Variants in GRM7 observed in about 807,000 individuals in gnomAD.
The protein encoded by GRM7 is glutamate metabotropic receptor 7, also known as metabotropic glutamate receptor 7.
Under a neutral mutation model 84.5 loss-of-function variants are expected in GRM7, and 35 were observed. The observed-to-expected ratio is 0.41, with a 90% CI of 0.32 to 0.55. The LOEUF is 0.55. Among genes scored for constraint, GRM7 ranks in the 20% least tolerant of loss-of-function variants. The probability of loss-of-function intolerance (pLI) is 0.19; values close to 1 mark genes in which losing one functional copy is unlikely to be tolerated. For synonymous variants in GRM7, 487 were observed against 455.1 expected, an observed-to-expected ratio of 1.07 and a Z score of -0.89; for missense variants, 1,003 against 1,194.6, an observed-to-expected ratio of 0.84 and a Z score of 2.36.
At chr3:7,549,846 T>A (rs561300215) in intron 7 of GRM7, among the ~76,000 whole-genome samples, 2 of 152,346 alleles carry the variant, frequency 1.3e-5, no homozygotes, top group East Asian at 3.9e-4. Context: ...AATGCTTGTG[T>A]TTTATGAATT....
chr3:7,274,251 C>T (rs545084012), intron 2 of GRM7, among the ~76,000 whole-genome samples: 1 of 152,020 alleles, frequency 6.6e-6, no homozygotes, highest in Admixed American at 6.5e-5. Context: ...CATTTGAATA[C>T]ATTGTTGCTA....
intron 8 of GRM7, among the ~76,000 whole-genome samples, chr3:7,613,502 C>T (rs944777197): frequency 1.3e-5 from 2 of 152,102 alleles, no homozygotes; most frequent in South Asian, 2.1e-4. Context: ...CATAAGGTAC[C>T]ACTTCTCCCA....
At chr3:6,948,049 A>G (rs944850392) in intron 1 of GRM7, among the ~76,000 whole-genome samples, 14 of 151,872 alleles carry the variant, frequency 9.2e-5, no homozygotes, top group African/African-American at 3.4e-4. Flanking sequence ...TTGTGTCTCT[A>G]TTTCCTTCAG....
intron 6 of GRM7, among the ~76,000 whole-genome samples, chr3:7,454,090 A>ACACACT (rs1365192243): frequency 1.5e-4 from 21 of 140,212 alleles, no homozygotes; most frequent in East Asian, 4.7e-4. Context: ...CTACACACAC[A>ACACACT]CTCTCTCTCT....
rs147107871 is a variant in GRM7, at chr3:7,620,997, C to G, written c.2451+41640C>G. Among the ~76,000 whole-genome samples, 1,004 of 152,162 alleles carry G rather than the reference C, an allele frequency of 6.6e-3. 11 individuals are homozygous for G. The highest frequency in any genetic ancestry group is 0.022 in the African/African-American group (914 of 41,508). Reference sequence around the variant, plus strand: ...GGTGAATAATTAATTTCCAGGGTGTCGTAGTCTTAGCCCAACACAGATTTT... The same window carrying G: ...GGTGAATAATTAATTTCCAGGGTGTGGTAGTCTTAGCCCAACACAGATTTT... On this transcript the variant is annotated intron_variant, in intron 8 of 9. Transcript: ENST00000357716.
At chr3:6,906,228 AC>A (rs1299471991) in intron 1 of GRM7, among the ~76,000 whole-genome samples, 1 of 152,136 alleles carries the variant, frequency 6.6e-6, no homozygotes, top group African/African-American at 2.4e-5. Context: ...TTAGGATCTG[AC>A]AGGCTGCTGG....
chr3:7,532,803 C>CAAAAAA (rs36040168), intron 7 of GRM7, among the ~76,000 whole-genome samples: 44 of 70,600 alleles, frequency 6.2e-4, no homozygotes, highest in Admixed American at 7.5e-4. Flanking sequence ...AAAGGGAAAG[C>CAAAAAA]AAAAAAAAAA....
intron 2 of GRM7, among the ~76,000 whole-genome samples, chr3:7,292,932 G>A (rs767214449): frequency 6.6e-6 from 1 of 150,746 alleles, no homozygotes; most frequent in Non-Finnish European, 1.5e-5. Flanking sequence ...TGCTCGGGGG[G>A]CCAAGGCAGG....
intron 2 of GRM7, among the ~76,000 whole-genome samples, chr3:7,276,507 C>G (rs546137080): frequency 4.6e-5 from 7 of 151,962 alleles, no homozygotes; most frequent in African/African-American, 1.7e-4. Flanking sequence ...ACTTTCATTT[C>G]TAGCCTAGGA....
chr3:7,508,604 A>C (rs1700104349), intron 7 of GRM7, among the ~76,000 whole-genome samples: 1 of 152,286 alleles, frequency 6.6e-6, no homozygotes, highest in Non-Finnish European at 1.5e-5. Flanking sequence ...AGTCTGGAAT[A>C]TATTCCCAAG....
At chr3:7,361,289 T>G (rs1304737150) in intron 4 of GRM7, among the ~76,000 whole-genome samples, 1 of 152,084 alleles carries the variant, frequency 6.6e-6, no homozygotes, top group African/African-American at 2.4e-5. Flanking sequence ...TAGTCACCTC[T>G]ACCCTATGCA....
chr3:7,447,539 T>C (rs770282104), intron 5 of GRM7, among the ~76,000 whole-genome samples: 1 of 152,102 alleles, frequency 6.6e-6, no homozygotes, highest in Non-Finnish European at 1.5e-5. Flanking sequence ...CACAGCTCAG[T>C]TGCATTTTCA....
intron 1 of GRM7, among the ~76,000 whole-genome samples, chr3:6,971,889 T>G (rs1693772828): frequency 6.6e-6 from 1 of 152,198 alleles, no homozygotes; most frequent in Non-Finnish European, 1.5e-5. Flanking sequence ...AAAGTAAAGC[T>G]TAGAAATAAA....
intron 7 of GRM7, among the ~76,000 whole-genome samples, chr3:7,546,155 G>A (rs930517987): frequency 7.2e-5 from 11 of 152,054 alleles, no homozygotes; most frequent in African/African-American, 2.4e-4. Context: ...GGTAAAATGA[G>A]GACACTCCCC....
chr3:7,484,043 G>C (rs1187880853), intron 7 of GRM7, among the ~76,000 whole-genome samples: 10 of 152,128 alleles, frequency 6.6e-5, no homozygotes, highest in Non-Finnish European at 1.3e-4. Flanking sequence ...TTGATGCAAA[G>C]ATTCAAAGAT....
chr3:7,185,080 G>T (rs536896206), intron 2 of GRM7, among the ~76,000 whole-genome samples: 3 of 152,210 alleles, frequency 2.0e-5, no homozygotes, highest in African/African-American at 7.2e-5. Context: ...AGTCAAAATG[G>T]CTTGCTCCAA....
In GRM7 at chr3:6,861,436, C is replaced by T. The variant is rs754743905; in HGVS notation, c.48C>T (p.Phe16=). ...TCCGCGTCCTGACTTTGATGAAGTT[C>T]CCCTGCTGCGTGCTGGAGGTGCTCC... ...KLLRVLTLMK[F]PCCVLEVLLC... Residue 16 remains phenylalanine, a synonymous_variant, in exon 1 of 10, where the codon TTC becomes TTT. Coordinates refer to ENST00000357716, the MANE Select transcript of GRM7 (RefSeq NM_000844.4). This position sits in a 1 kb window ranked among gnomAD's most constrained non-coding sequence, Gnocchi z 6.4. The T allele has an allele frequency of 5.0e-6, 8 of 1,602,874 alleles. No individual in the cohort carries two copies. Among genetic ancestry groups the T allele is most frequent in the East Asian group, 4.5e-5 (2 of 44,652 alleles).
intron 1 of GRM7, among the ~76,000 whole-genome samples, chr3:6,922,220 G>C (rs974084708): frequency 6.6e-6 from 1 of 152,202 alleles, no homozygotes; most frequent in Non-Finnish European, 1.5e-5. Context: ...TCACCTGCCA[G>C]TTTACTTTTT....
chr3:7,073,515 G>A lies in GRM7; in HGVS notation c.520-72937G>A, dbSNP rs1459865738. ...GAAAAAAATATCAGGGAAGGTACTC[G>A]TTCCCTGATAGTTGATTTTCAGATC... On this transcript the variant is annotated intron_variant, in intron 1 of 9. Coordinates refer to ENST00000357716, the MANE Select transcript of GRM7 (RefSeq NM_000844.4). 6.6e-5 allele frequency among the ~76,000 whole-genome samples: 10 copies of A among 152,152 alleles called. No homozygotes were observed. The East Asian group carries it at 1.5e-3, about 24-fold the overall frequency.
Sources: allele counts gnomAD v4.1 joint callset (sites outside exome capture counted in the v4.1 genomes callset), GRCh38; gene constraint gnomAD v4.1.1; non-coding constraint Gnocchi (gnomAD v3.1); transcripts MANE v1.5; gene names NCBI Gene and HGNC (gene_info 2026-07-23, HGNC 2026-07-21).